PCSK6: variants seen among roughly 807,000 people sequenced by gnomAD.
PCSK6 encodes proprotein convertase subtilisin/kexin type 6.
In PCSK6, 85 loss-of-function variants were observed where a neutral mutation model predicts 123.3. The ratio of observed to expected loss-of-function variants is 0.69; its 90% confidence interval spans 0.58 to 0.83. The LOEUF (loss-of-function observed/expected upper bound fraction) is 0.83. Ranked by LOEUF, PCSK6 falls within the 40% of genes least tolerant of loss-of-function variation. PCSK6 has a pLI of 0.00. For missense variants in PCSK6, 1,191 were observed against 1,282.3 expected, an observed-to-expected ratio of 0.93 and a Z score of 1.09; for synonymous variants, 508 against 516.0, an observed-to-expected ratio of 0.98 and a Z score of 0.21.
intron 6 of PCSK6, among the ~76,000 whole-genome samples, chr15:101,411,538 C>T (rs536729408): frequency 1.5e-4 from 23 of 152,232 alleles, no homozygotes; most frequent in South Asian, 6.2e-4. Context: ...CAGGGGTGGA[C>T]GACCAAGAAG....
intron 6 of PCSK6, among the ~76,000 whole-genome samples, chr15:101,419,355 TAAG>T (rs1211067824): frequency 6.6e-6 from 1 of 152,092 alleles, no homozygotes; most frequent in African/African-American, 2.4e-5. Context: ...ATATATCTAA[TAAG>T]AAATGTATAA....
At chr15:101,364,733 C>A in intron 13 of PCSK6, 1 of 427,256 alleles carries the variant, frequency 2.3e-6, no homozygotes, top group Non-Finnish European at 4.2e-6. Context: ...GGAAATATTC[C>A]CCAAAATGAT....
chr15:101,329,976 C>G lies in PCSK6; in HGVS notation c.2077+1675G>C, dbSNP rs549064967. ...GGTGCAGACCCCCAGGCGTCCCACACCTGCTGAATCCCAGTCTCTGGGCGG... is the reference window on the plus strand; with the variant it reads ...GGTGCAGACCCCCAGGCGTCCCACAGCTGCTGAATCCCAGTCTCTGGGCGG... On this transcript the variant is annotated intron_variant, in intron 15 of 21. Coordinates refer to ENST00000611716, the MANE Select transcript of PCSK6 (RefSeq NM_002570.5). Among the ~76,000 whole-genome samples the G allele has an allele frequency of 2.2e-4, 34 of 152,328 alleles. No homozygotes were observed. The South Asian group carries it at 6.6e-3, about 30-fold the overall frequency.
chr15:101,394,136 T>G (rs2141556504), intron 7 of PCSK6, among the ~76,000 whole-genome samples: 1 of 56,308 alleles, frequency 1.8e-5, no homozygotes, highest in East Asian at 3.0e-4. Flanking sequence ...TCCGTTTTTT[T>G]GTTTTTTGTT....
intron 1 of PCSK6, among the ~76,000 whole-genome samples, chr15:101,482,951 C>A (rs1020773515): frequency 2.0e-5 from 3 of 152,176 alleles, no homozygotes; most frequent in Non-Finnish European, 4.4e-5. Context: ...GAGGGCAGTC[C>A]GGTCAATTAA....
intron 13 of PCSK6, among the ~76,000 whole-genome samples, chr15:101,339,451 G>C (rs890554433): frequency 1.3e-5 from 2 of 152,188 alleles, no homozygotes; most frequent in African/African-American, 4.8e-5. Flanking sequence ...GGTTAATGCA[G>C]AGGTTTGGGC....
At chr15:101,359,537 C>A (rs2041149279) in intron 13 of PCSK6, among the ~76,000 whole-genome samples, 1 of 152,260 alleles carries the variant, frequency 6.6e-6, no homozygotes, top group Admixed American at 6.5e-5. Flanking sequence ...CACCATGCAG[C>A]AGGAGGCTCT....
intron 1 of PCSK6, among the ~76,000 whole-genome samples, chr15:101,456,070 T>A (rs552575281): frequency 8.5e-5 from 13 of 152,250 alleles, no homozygotes; most frequent in Non-Finnish European, 1.6e-4. Flanking sequence ...TGCACTAACA[T>A]CTGTGGCTTA....
intron 1 of PCSK6, among the ~76,000 whole-genome samples, chr15:101,455,956 TAAG>T (rs147346088): frequency 0.12 from 17,603 of 152,196 alleles, 1,156 homozygotes; most frequent in East Asian, 0.23. Context: ...AGCTGTATGC[TAAG>T]AAGTCAGGGG....
At chr15:101,448,959 A>T (rs2056962367) in intron 1 of PCSK6, among the ~76,000 whole-genome samples, 1 of 152,114 alleles carries the variant, frequency 6.6e-6, no homozygotes, top group Non-Finnish European at 1.5e-5. Flanking sequence ...ATATGTGTGG[A>T]TGTATAGAAT....
intron 20 of PCSK6, among the ~76,000 whole-genome samples, chr15:101,310,279 TA>T (rs914751198): frequency 2.6e-5 from 4 of 152,180 alleles, no homozygotes; most frequent in African/African-American, 9.6e-5. Context: ...TGGGAACAAG[TA>T]CCCAGGAAAC....
chr15:101,435,300 G>C (rs1361737141), intron 2 of PCSK6, among the ~76,000 whole-genome samples: 1 of 138,052 alleles, frequency 7.2e-6, no homozygotes, highest in Admixed American at 7.5e-5. Flanking sequence ...GACAGAGTGA[G>C]ACTCTGTCTC....
At chr15:101,472,179 T>C (rs993354807) in intron 1 of PCSK6, among the ~76,000 whole-genome samples, 1 of 152,216 alleles carries the variant, frequency 6.6e-6, no homozygotes, top group African/African-American at 2.4e-5. Flanking sequence ...CTTGTTGGCT[T>C]GAGTCTCTCC....
At chr15:101,332,336 C>G (rs982849200) in intron 13 of PCSK6, among the ~76,000 whole-genome samples, 2 of 152,242 alleles carry the variant, frequency 1.3e-5, no homozygotes, top group East Asian at 3.8e-4. Flanking sequence ...GGAGGCTGTC[C>G]TCTGCCCTGC....
At chr15:101,382,680 G>C (rs1596264760) in intron 10 of PCSK6, among the ~76,000 whole-genome samples, 1 of 152,162 alleles carries the variant, frequency 6.6e-6, no homozygotes, top group African/African-American at 2.4e-5. Context: ...TCCCTGCTGA[G>C]TTCCCAGAGC....
chr15:101,354,371 A>T (rs1221120475), intron 13 of PCSK6, among the ~76,000 whole-genome samples: 1 of 152,210 alleles, frequency 6.6e-6, no homozygotes, highest in Non-Finnish European at 1.5e-5. Context: ...ACACCCAAGC[A>T]CACACTCCCA....
At chr15:101,444,904 C>T (rs1015729545) in intron 1 of PCSK6, among the ~76,000 whole-genome samples, 2 of 152,144 alleles carry the variant, frequency 1.3e-5, no homozygotes, top group African/African-American at 4.8e-5. Flanking sequence ...GAAGATAAGG[C>T]AGGAGTGCAA....
chr15:101,368,035 C>T (rs1010216319), intron 12 of PCSK6, among the ~76,000 whole-genome samples: 1 of 152,198 alleles, frequency 6.6e-6, no homozygotes, highest in Non-Finnish European at 1.5e-5. Context: ...AGGTTGGTCT[C>T]GAACTCCTGA....
chr15:101,387,536 CA>C (rs1310993108), intron 9 of PCSK6, among the ~76,000 whole-genome samples: 1 of 152,202 alleles, frequency 6.6e-6, no homozygotes, highest in African/African-American at 2.4e-5. Context: ...AATAAAATCA[CA>C]AATATAACCG....
Sources: allele counts gnomAD v4.1 joint callset (sites outside exome capture counted in the v4.1 genomes callset), GRCh38; gene constraint gnomAD v4.1.1; transcripts MANE v1.5; gene names NCBI Gene and HGNC (gene_info 2026-07-23, HGNC 2026-07-21).